DCHS1: variants seen among roughly 807,000 people sequenced by gnomAD.
DCHS1 encodes protocadherin-16.
Under a neutral mutation model 213.9 loss-of-function variants are expected in DCHS1, and 78 were observed. The ratio of observed to expected loss-of-function variants is 0.36; its 90% CI spans 0.30 to 0.44. DCHS1 has a LOEUF of 0.44. Among genes scored for constraint, DCHS1 ranks in the 20% least tolerant of loss-of-function variants. The probability of loss-of-function intolerance (pLI) is 1.00; values close to 1 mark genes in which losing one functional copy is unlikely to be tolerated. For missense variants in DCHS1, 3,946 were observed against 4,395.9 expected (o/e 0.90, Z 2.89); for synonymous variants, 1,828 against 1,873.7 (o/e 0.98, Z 0.63).
At position 6,625,738 on chromosome 11, in the gene DCHS1, A is replaced by T. The variant is rs1248765754; in HGVS notation, c.6732-11T>A. ...GCCATCAGCACCAACCTGGACACAA[A>T]GCACAATCATCGGGTGGGACATGGC... On this transcript the variant is annotated splice_polypyrimidine_tract_variant and intron_variant, in intron 17 of 20. Coordinates refer to ENST00000299441, the MANE Select transcript of DCHS1 (RefSeq NM_003737.4). This position sits in a 1 kb window ranked among gnomAD's most constrained non-coding sequence, Gnocchi z 5.3. 1 of 1,600,360 alleles carries T rather than the reference A, an allele frequency of 6.2e-7. No individual in the cohort carries two copies. The highest frequency in any genetic ancestry group is 8.5e-7 in the Non-Finnish European group (1 of 1,173,168).
At chr11:6,629,062 C>T (rs1255571685) in intron 12 of DCHS1, among the ~76,000 whole-genome samples, 1 of 152,168 alleles carries the variant, frequency 6.6e-6, no homozygotes, top group Non-Finnish European at 1.5e-5. Context: ...ACAGGAAAGG[C>T]ACTAAATGAG....
Position 6,627,304 on chromosome 11 carries a change from C to T in DCHS1, c.5735G>A (p.Arg1912His), listed in dbSNP as rs747930927. 282 of 1,611,822 alleles carry T rather than the reference C, an allele frequency of 1.7e-4. No homozygotes were observed. The highest frequency in any genetic ancestry group is 1.7e-4 in the Non-Finnish European group (195 of 1,179,212). The change falls in exon 14 of 21, where the codon CGC becomes CAC. Residue 1912 changes from arginine (R) to histidine (H), a missense_variant. Arg to His is a conservative substitution (Grantham distance 29). Around this residue, in one of 3 missense-constraint regions of DCHS1, gnomAD observed 3,384 missense variants for 3,780.1 expected, o/e 0.90. Transcript: ENST00000299441. This position sits in a 1 kb window ranked among gnomAD's most constrained non-coding sequence, Gnocchi z 5.4. ...FLLEPSSGEL[R>H]TAAALDREQC... ...TTCTCTGTCCAAGGCTGCAGCTGTG[C>T]GCAGTTCTCCAGAGCTGGGCTCCAG... is the stretch of plus-strand genomic sequence containing the variant.
intron 2 of DCHS1, among the ~76,000 whole-genome samples, 188 bp from the exon 3 acceptor site, chr11:6,634,494 C>G (rs1167629704): frequency 6.6e-6 from 1 of 152,186 alleles, no homozygotes; most frequent in Admixed American, 6.5e-5. Flanking sequence ...CTAAGTGCCT[C>G]TAGCCATAAC....
At position 6,623,466 on chromosome 11, in the gene DCHS1, G is replaced by T. The variant is rs1490427358; in HGVS notation, c.8210C>A (p.Ala2737Asp). Reference protein sequence around the residue: ...TLHAIDGDAGAFGRLRYSLLE... With the variant: ...TLHAIDGDAGDFGRLRYSLLE... Reference sequence around the variant, plus strand: ...CAGGCTGTAACGGAGCCTCCCAAAAGCCCCAGCATCCCCGTCGATTGCATG... The same window carrying T: ...CAGGCTGTAACGGAGCCTCCCAAAATCCCCAGCATCCCCGTCGATTGCATG... Residue 2737 changes from alanine (A) to aspartate (D), a missense_variant, in exon 21 of 21, where the codon GCT becomes GAT. Transcript: ENST00000299441. 4 of 1,582,140 alleles carry T rather than the reference G, an allele frequency of 2.5e-6. No homozygotes were observed. Among genetic ancestry groups the T allele is most frequent in the Non-Finnish European group, 3.4e-6 (4 of 1,164,262 alleles).
chr11:6,654,812 T>C (rs1354220111), intron 1 of DCHS1, among the ~76,000 whole-genome samples: 2 of 152,142 alleles, frequency 1.3e-5, no homozygotes, highest in East Asian at 3.9e-4. Context: ...CTTGTGGCTG[T>C]GGGCCCAGCC....
chr11:6,626,699 G>A lies in DCHS1; in HGVS notation c.6251-34C>T, dbSNP rs561150685. ...AGAACGGTATTGTTGGACTGTGAGC[G>A]CGAGACTGGGAGAGTTTGGGGGACA... is the stretch of plus-strand genomic sequence containing the variant. On this transcript the variant is annotated intron_variant, in intron 14 of 20. Transcript: ENST00000299441. This position sits in a 1 kb window ranked among gnomAD's most constrained non-coding sequence, Gnocchi z 5.2. 6.8e-6 allele frequency: 11 copies of A among 1,612,310 alleles called. No homozygotes were observed. Among genetic ancestry groups the A allele is most frequent in the Admixed American group, 1.7e-5 (1 of 59,982 alleles).
chr11:6,633,841 G>A lies in DCHS1; in HGVS notation c.2166C>T (p.Tyr722=). The A allele has an allele frequency of 3.1e-6, 5 of 1,613,960 alleles. No homozygotes were observed. Among genetic ancestry groups the A allele is most frequent in the Non-Finnish European group, 4.2e-6 (5 of 1,179,874 alleles). ...PDQGSHGRLS[Y]HILAGNSPPL... is the part of the protein sequence containing the mutation. ...GGGGGCTGTTGCCAGCCAGGATATGGTAGGAGAGTCGCCCATGGGATCCCT... is the reference window on the plus strand; with the variant it reads ...GGGGGCTGTTGCCAGCCAGGATATGATAGGAGAGTCGCCCATGGGATCCCT... The change falls in exon 4 of 21, where the codon TAC becomes TAT. Residue 722 remains tyrosine, a synonymous_variant. Coordinates refer to ENST00000299441, the MANE Select transcript of DCHS1 (RefSeq NM_003737.4).
At chr11:6,643,033 G>A (rs951249657) in intron 1 of DCHS1, among the ~76,000 whole-genome samples, 2 of 152,116 alleles carry the variant, frequency 1.3e-5, no homozygotes, top group African/African-American at 4.8e-5. Flanking sequence ...AGGATGATGC[G>A]CACATTTCTG....
intron 2 of DCHS1, among the ~76,000 whole-genome samples, chr11:6,636,080 A>G (rs1855981842): frequency 6.6e-6 from 1 of 152,126 alleles, no homozygotes; most frequent in South Asian, 2.1e-4. Context: ...GCACTATTTC[A>G]AGGAGAAAAG....
chr11:6,653,601 CTATT>C (rs1856275066), intron 1 of DCHS1, among the ~76,000 whole-genome samples: 1 of 152,144 alleles, frequency 6.6e-6, no homozygotes, highest in African/African-American at 2.4e-5. Context: ...AAAAAATCAT[CTATT>C]TATTTATGAA....
In DCHS1 at chr11:6,651,964, T is replaced by A. The variant is rs558685079; in HGVS notation, c.-121+3599A>T. Among the ~76,000 whole-genome samples the A allele has an allele frequency of 1.1e-4, 17 of 152,226 alleles. No individual in the cohort carries two copies. In the South Asian group the frequency reaches 3.1e-3, roughly 28 times the overall value. The stretch of plus-strand genomic sequence containing the variant: ...GAGAGATGTCTGTGAGTCATCAGCC[T>A]ATAGATGTTAATAAAAGCCTTGAAA... On this transcript the variant is annotated intron_variant, in intron 1 of 20. Transcript: ENST00000299441.
chr11:6,641,436 G>C lies in DCHS1; in HGVS notation c.178C>G (p.Leu60Val). ...QIDEEQPAGT[L>V]IGDISAGLPA... is the part of the protein sequence containing the mutation. Reference sequence around the variant, plus strand: ...AGCCCCGCACTGATGTCGCCAATCAGTGTACCCGCTGGCTGCTCCTCATCA... The same window carrying C: ...AGCCCCGCACTGATGTCGCCAATCACTGTACCCGCTGGCTGCTCCTCATCA... The change falls in exon 2 of 21, where the codon CTG (leucine) becomes GTG (valine). Residue 60 changes from leucine to valine, a missense_variant. Coordinates refer to ENST00000299441, the MANE Select transcript of DCHS1 (RefSeq NM_003737.4). This position sits in a 1 kb window ranked among gnomAD's most constrained non-coding sequence, Gnocchi z 7.1. The C allele has an allele frequency of 6.2e-7, 1 of 1,611,098 alleles. No homozygotes were observed. The highest frequency in any genetic ancestry group is 8.5e-7 in the Non-Finnish European group (1 of 1,178,960).
In DCHS1 at chr11:6,624,366, G is replaced by A. The variant is rs762787059; in HGVS notation, c.7310C>T (p.Thr2437Ile). 1 of 1,571,202 alleles carries A rather than the reference G, an allele frequency of 6.4e-7. No individual in the cohort carries two copies. Among genetic ancestry groups the A allele is most frequent in the South Asian group, 1.2e-5 (1 of 86,236 alleles). ...TGACCCGTCATGGCCCAAGGCCACTGTTCCCACTATTGTGAACAGGGTCCC... is the reference window on the plus strand; with the variant it reads ...TGACCCGTCATGGCCCAAGGCCACTATTCCCACTATTGTGAACAGGGTCCC... ...NNGTLFTIVGTVALGHDGSGA... is the reference protein window; with the variant it reads ...NNGTLFTIVGIVALGHDGSGA... Residue 2437 changes from threonine to isoleucine, a missense_variant, in exon 21 of 21, where the codon ACA becomes ATA. Thr to Ile is a moderately conservative substitution (Grantham distance 89). Coordinates refer to ENST00000299441, the MANE Select transcript of DCHS1 (RefSeq NM_003737.4).
rs957135299 is a variant in DCHS1 at position 6,632,419 on chromosome 11, A to G, written c.3093T>C (p.Pro1031=). The part of the protein sequence containing the change: ...QVQAQAPDGG[P]ITYHLAAEGA... ...CCTCTGCTGCAAGGTGATAGGTGAT[A>G]GGGCCCCCATCTGGTGCTTGGGCCT... The change falls in exon 6 of 21, where the codon CCT becomes CCC. Residue 1031 remains proline, a synonymous_variant. Transcript: ENST00000299441. The surrounding 1 kb of genome is among the most constrained non-coding windows in gnomAD (Gnocchi z 5.9). 1.2e-6 allele frequency: 2 copies of G among 1,612,194 alleles called. No individual in the cohort carries two copies. Among genetic ancestry groups the G allele is most frequent in the African/African-American group, 2.7e-5 (2 of 74,908 alleles).
chr11:6,630,418 C>T lies in DCHS1; in HGVS notation c.4376G>A (p.Arg1459His), dbSNP rs961215264. The T allele has an allele frequency of 1.4e-5, 21 of 1,450,490 alleles. No individual in the cohort carries two copies. Among genetic ancestry groups the T allele is most frequent in the African/African-American group, 6.0e-5 (4 of 66,292 alleles). 89.9% of individuals were successfully genotyped at this position (1,450,490 alleles called of 1,614,324 possible). The change falls in exon 10 of 21, where the codon CGC (arginine) becomes CAC (histidine). Residue 1459 changes from arginine (R) to histidine (H), a missense_variant. This residue lies in a region of DCHS1 where 3,384 missense variants were observed against 3,780.1 expected (regional missense o/e 0.90). Transcript: ENST00000299441. ...PEPGAALYTF[R>H]ASDADGPGPN... Reference sequence around the variant, plus strand: ...GCCGGGGCCGTCGGCGTCCGACGCGCGGAAAGTGTACAGCGCTGCGCCGGG... The same window carrying T: ...GCCGGGGCCGTCGGCGTCCGACGCGTGGAAAGTGTACAGCGCTGCGCCGGG...
intron 1 of DCHS1, among the ~76,000 whole-genome samples, chr11:6,650,742 T>C (rs955394459): frequency 1.1e-4 from 16 of 152,192 alleles, no homozygotes; most frequent in Admixed American, 1.0e-3. Context: ...CTGGCACAGC[T>C]TCTGCTTCTT....
rs781629251 is a variant in DCHS1 at position 6,622,238 on chromosome 11, C to T, written c.9438G>A (p.Ala3146=). 7 of 1,600,096 alleles carry T rather than the reference C, an allele frequency of 4.4e-6. No individual in the cohort carries two copies. Among genetic ancestry groups the T allele is most frequent in the South Asian group, 1.1e-5 (1 of 89,434 alleles). The change falls in exon 21 of 21, where the codon GCG becomes GCA. Residue 3146 remains alanine, a synonymous_variant. Transcript: ENST00000299441. This position sits in a 1 kb window ranked among gnomAD's most constrained non-coding sequence, Gnocchi z 5.4. ...PADGKPCVAG[A]LTAIVAGEEE... is the part of the protein sequence containing the mutation. ...CCTCGCCGGCCACAATGGCTGTCAG[C>T]GCACCTGCCACACATGGCTTGCCAT... is the stretch of plus-strand genomic sequence containing the variant.
rs1413589493 is a variant in DCHS1 at position 6,622,414 on chromosome 11, T to C, written c.9262A>G (p.Thr3088Ala). 5 of 1,555,406 alleles carry C rather than the reference T, an allele frequency of 3.2e-6. No homozygotes were observed. Among genetic ancestry groups the C allele is most frequent in the Non-Finnish European group, 4.4e-6 (5 of 1,148,448 alleles). Residue 3088 changes from threonine (T) to alanine (A), a missense_variant, in exon 21 of 21, where the codon ACC becomes GCC. Transcript: ENST00000299441. The surrounding 1 kb of genome is among the most constrained non-coding windows in gnomAD (Gnocchi z 5.4). ...CCTGCCTTTCGGCCCTTATACCAGG[T>C]GTCAGGGGCAGGTGGTTCGCAGGAT... The part of the protein sequence containing the change: ...DTSCEPPAPD[T>A]WYKGRKAGLL...
At chr11:6,654,663 A>T (rs1825869619) in intron 1 of DCHS1, among the ~76,000 whole-genome samples, 1 of 152,238 alleles carries the variant, frequency 6.6e-6, no homozygotes, top group Admixed American at 6.5e-5. Context: ...CTGGAAGTGT[A>T]TGATGGCTGT....
Sources: gnomAD v4.1 joint callset for allele counts (sites outside exome capture counted in the v4.1 genomes callset) on GRCh38, gnomAD v4.1.1 for gene constraint, gnomAD v4.1.1 regional missense constraint, Gnocchi (gnomAD v3.1) non-coding constraint, MANE v1.5 for transcripts, NCBI Gene and HGNC (gene_info 2026-07-23, HGNC 2026-07-21) for gene names.